BMERB1: variants seen among roughly 807,000 people sequenced by gnomAD.
BMERB1 encodes bMERB domain-containing protein 1.
In BMERB1, 12 loss-of-function variants were observed where a neutral mutation model predicts 23.6. The observed-to-expected ratio is 0.51, with a 90% CI of 0.33 to 0.82. BMERB1 has a LOEUF of 0.82. Among genes scored for constraint, BMERB1 ranks in the 40% least tolerant of loss-of-function variants. BMERB1 has a pLI of 0.03. For synonymous variants in BMERB1, 122 were observed against 96.6 expected (o/e 1.26, Z -1.54); for missense variants, 247 against 255.4 (o/e 0.97, Z 0.22).
intron 1 of BMERB1, among the ~76,000 whole-genome samples, chr16:15,462,377 G>C (rs2051143719): frequency 2.0e-5 from 3 of 151,706 alleles, no homozygotes; most frequent in Admixed American, 6.6e-5. Context: ...TGGTCTTGAA[G>C]TCCTGACCTT....
intron 2 of BMERB1, among the ~76,000 whole-genome samples, chr16:15,538,846 G>A (rs1235985712): frequency 6.6e-6 from 1 of 152,136 alleles, no homozygotes; most frequent in Non-Finnish European, 1.5e-5. Context: ...ACACAATGTG[G>A]TGAAGGGGCC....
At chr16:15,520,889 C>T (rs2051844820) in intron 2 of BMERB1, among the ~76,000 whole-genome samples, 1 of 152,184 alleles carries the variant, frequency 6.6e-6, no homozygotes, top group Non-Finnish European at 1.5e-5. Flanking sequence ...AAGGGACCCC[C>T]AGGCCTCTCA....
intron 1 of BMERB1, among the ~76,000 whole-genome samples, chr16:15,462,977 A>G (rs1233618389): frequency 6.6e-6 from 1 of 152,088 alleles, no homozygotes; most frequent in Non-Finnish European, 1.5e-5. Context: ...AACCGCGGAG[A>G]GTTTCAAAAA....
At chr16:15,537,316 C>A (rs920567633) in intron 2 of BMERB1, among the ~76,000 whole-genome samples, 3 of 151,716 alleles carry the variant, frequency 2.0e-5, no homozygotes, top group African/African-American at 7.3e-5. Context: ...ATCAAGTGAG[C>A]TGGCCAAGAG....
rs113480472 is a variant in BMERB1, at chr16:15,571,511, C to T, written c.304+3455C>T. Among the ~76,000 whole-genome samples, 746 of 152,104 alleles carry T rather than the reference C, an allele frequency of 4.9e-3. 7 individuals carry two copies. The highest frequency in any genetic ancestry group is 0.016 in the African/African-American group (679 of 41,478). On this transcript the variant is annotated intron_variant, in intron 3 of 5. Transcript: ENST00000300006. ...GGGAGCCTGTAGGCACCTGCCACCA[C>T]GCCCGGCTAATTTTTTGTATTTTTA...
At chr16:15,526,705 G>A (rs986734988) in intron 2 of BMERB1, among the ~76,000 whole-genome samples, 23 of 148,862 alleles carry the variant, frequency 1.5e-4, no homozygotes, top group Admixed American at 8.0e-4. Context: ...TAATTGTTCC[G>A]GGCTTCATAT....
chr16:15,451,548 A>ATT (rs2051041164), intron 1 of BMERB1, among the ~76,000 whole-genome samples: 2 of 109,740 alleles, frequency 1.8e-5, no homozygotes, highest in African/African-American at 6.8e-5. Context: ...CACTCTTAGT[A>ATT]TTTCTTTTTT....
chr16:15,455,634 A>AT (rs1259657412), intron 1 of BMERB1, among the ~76,000 whole-genome samples: 2 of 151,292 alleles, frequency 1.3e-5, no homozygotes, highest in South Asian at 4.2e-4. Flanking sequence ...ATAATTTTGT[A>AT]TTTTTTTAGT....
intron 2 of BMERB1, among the ~76,000 whole-genome samples, chr16:15,533,704 G>A (rs1222226515): frequency 1.3e-5 from 2 of 152,204 alleles, no homozygotes; most frequent in African/African-American, 2.4e-5. Flanking sequence ...AGCAGAGAAA[G>A]CCAGTCTTTG....
At chr16:15,491,175 T>TA (rs1297659166) in intron 1 of BMERB1, among the ~76,000 whole-genome samples, 1 of 152,196 alleles carries the variant, frequency 6.6e-6, no homozygotes, top group Non-Finnish European at 1.5e-5. Context: ...TGATAGCACT[T>TA]ACTGCAGCTA....
intron 1 of BMERB1, among the ~76,000 whole-genome samples, chr16:15,467,727 A>G (rs1456574785): frequency 6.6e-6 from 1 of 152,222 alleles, no homozygotes; most frequent in East Asian, 1.9e-4. Flanking sequence ...ATGGAAGTGA[A>G]TAATGACCTG....
chr16:15,554,827 C>T (rs1241948451), intron 2 of BMERB1, among the ~76,000 whole-genome samples: 13 of 151,688 alleles, frequency 8.6e-5, no homozygotes, highest in African/African-American at 2.2e-4. Flanking sequence ...CCACCACGCC[C>T]GGCTGATTTT....
At chr16:15,454,373 G>T (rs539199226) in intron 1 of BMERB1, among the ~76,000 whole-genome samples, 71 of 152,278 alleles carry the variant, frequency 4.7e-4, no homozygotes, top group African/African-American at 1.6e-3. Context: ...TGCTTCCTTC[G>T]AGGAAGACAG....
At position 15,481,368 on chromosome 16, in the gene BMERB1, TAC is replaced by T. The variant is rs539408490; in HGVS notation, c.107-33935_107-33934del. On this transcript the variant is annotated intron_variant, in intron 1 of 5. Coordinates refer to ENST00000300006, the MANE Select transcript of BMERB1 (RefSeq NM_033201.3). ...GGTGAAACCCCGTCTCTGCTAAAAATACAAAAAAATTAGCTGGGTGTGGTGGT... is the reference window on the plus strand; with the variant it reads ...GGTGAAACCCCGTCTCTGCTAAAAATAAAAAAATTAGCTGGGTGTGGTGGT... Among the ~76,000 whole-genome samples the T allele has an allele frequency of 9.4e-3, 1,429 of 152,016 alleles. 9 individuals are homozygous for T. Among genetic ancestry groups the T allele is most frequent in the Non-Finnish European group, 0.017 (1,175 of 67,948 alleles).
At chr16:15,526,518 G>T (rs1278048008) in intron 2 of BMERB1, among the ~76,000 whole-genome samples, 2 of 151,968 alleles carry the variant, frequency 1.3e-5, no homozygotes, top group African/African-American at 4.8e-5. Context: ...ACAAAAATTA[G>T]CTGGGTGTGG....
chr16:15,540,655 G>A (rs140757622), intron 2 of BMERB1, among the ~76,000 whole-genome samples: 76 of 152,336 alleles, frequency 5.0e-4, no homozygotes, highest in African/African-American at 1.7e-3. Context: ...CCTGCAAGGC[G>A]ATAAGGATGT....
intron 2 of BMERB1, among the ~76,000 whole-genome samples, chr16:15,548,850 G>A (rs1347295225): frequency 1.3e-5 from 2 of 152,186 alleles, no homozygotes; most frequent in Non-Finnish European, 2.9e-5. Context: ...AGTGGTGATG[G>A]TAGATAGGTG....
chr16:15,442,092 A>T (rs952526682), intron 1 of BMERB1, among the ~76,000 whole-genome samples: 1 of 152,150 alleles, frequency 6.6e-6, no homozygotes, highest in Admixed American at 6.6e-5. Flanking sequence ...GCACTTTGGG[A>T]GACCGAGGCA....
chr16:15,447,517 G>A (rs572663219), intron 1 of BMERB1, among the ~76,000 whole-genome samples: 86 of 152,224 alleles, frequency 5.6e-4, no homozygotes, highest in African/African-American at 2.0e-3. Context: ...CAGCCAAACC[G>A]TATCAAAGGC....
Sources: allele counts gnomAD v4.1 joint callset (sites outside exome capture counted in the v4.1 genomes callset), GRCh38; gene constraint gnomAD v4.1.1; transcripts MANE v1.5; gene names NCBI Gene and HGNC (gene_info 2026-07-23, HGNC 2026-07-21).